The following HS1BP3 variants were observed in gnomAD, a reference collection of about 807,000 sequenced individuals.
HS1BP3 encodes HCLS1-binding protein 3.
A neutral mutation model predicts 33.5 loss-of-function variants in HS1BP3; 32 were observed. That is an observed-to-expected ratio of 0.95 (90% CI 0.72 to 1.28). HS1BP3 has a LOEUF of 1.28. Ranked by LOEUF, HS1BP3 falls within the 50% of genes most tolerant of loss-of-function variation. The pLI, the probability that HS1BP3 is intolerant of heterozygous loss-of-function variation, is 0.00. For synonymous variants in HS1BP3, 187 were observed against 209.2 expected (o/e 0.89, Z 0.92); for missense variants, 486 against 502.3 (o/e 0.97, Z 0.31).
intron 4 of HS1BP3, among the ~76,000 whole-genome samples, chr2:20,630,538 G>A (rs1468463979): frequency 6.6e-6 from 1 of 152,198 alleles, no homozygotes; most frequent in Non-Finnish European, 1.5e-5. Context: ...CAAAGTCCTG[G>A]GATTATAGGC....
rs538033124 is a variant in HS1BP3 at position 20,611,436 on chromosome 2, T to G, written c.178+12460A>C. Among the ~76,000 whole-genome samples the G allele has an allele frequency of 2.4e-4, 36 of 152,226 alleles. No individual in the cohort carries two copies. Among genetic ancestry groups the G allele is most frequent in the Admixed American group, 4.6e-4 (7 of 15,294 alleles). Reference sequence around the variant, plus strand: ...TGGGCCGCTGGGACTGCCAGAAACCTCTCTCCACTTGACCACATCGTGCGC... The same window carrying G: ...TGGGCCGCTGGGACTGCCAGAAACCGCTCTCCACTTGACCACATCGTGCGC... On this transcript the variant is annotated intron_variant, in intron 2 of 3. Transcript: ENST00000415264. This position sits in a 1 kb window ranked among gnomAD's most constrained non-coding sequence, Gnocchi z 4.9.
intron 2 of HS1BP3, among the ~76,000 whole-genome samples, chr2:20,612,120 G>A (rs568268528): frequency 1.2e-4 from 19 of 152,244 alleles, no homozygotes; most frequent in Admixed American, 2.6e-4. Context: ...CTACCCTAAT[G>A]AGGCAGGTAA....
At chr2:20,587,350 T>C (rs1572308540) in intron 5 of HS1BP3, among the ~76,000 whole-genome samples, 1 of 152,138 alleles carries the variant, frequency 6.6e-6, no homozygotes, top group African/African-American at 2.4e-5. Flanking sequence ...CATAGCTACA[T>C]AGAAACATGA....
At chr2:20,590,210 G>A (rs539461206), downstream of HS1BP3, among the ~76,000 whole-genome samples, 192 of 152,288 alleles carry the variant, frequency 1.3e-3, 2 homozygotes, top group African/African-American at 4.6e-3. Flanking sequence ...GGCTCTGTGT[G>A]TGTTTTTTGG....
intron 5 of HS1BP3, among the ~76,000 whole-genome samples, chr2:20,576,013 C>G (rs181315849): frequency 6.6e-6 from 1 of 151,608 alleles, no homozygotes; most frequent in East Asian, 1.9e-4. Flanking sequence ...TTTTTTGAGA[C>G]AGGGTCTTGT....
At chr2:20,562,813 C>T (rs1334823969) in intron 5 of HS1BP3, among the ~76,000 whole-genome samples, 2 of 152,172 alleles carry the variant, frequency 1.3e-5, no homozygotes, top group East Asian at 1.9e-4. Context: ...GAAAACAACT[C>T]GCACACGTCT....
rs372443182 is a variant in HS1BP3 at position 20,619,124 on chromosome 2, G to C, written c.1042C>G (p.Pro348Ala). 46 of 1,614,082 alleles carry C rather than the reference G, an allele frequency of 2.8e-5. No homozygotes were observed. Among genetic ancestry groups the C allele is most frequent in the Non-Finnish European group, 2.5e-6 (3 of 1,180,030 alleles). ...PVIPRKPAVP[P>A]KAGPAEAVAG... ...ACAGCTTCAGCCGGGCCCGCTTTGGGGGGAACAGCTGGTTTTCTGGGTATC... is the reference window on the plus strand; with the variant it reads ...ACAGCTTCAGCCGGGCCCGCTTTGGCGGGAACAGCTGGTTTTCTGGGTATC... The change falls in exon 7 of 7, where the codon CCC becomes GCC. Residue 348 changes from proline to alanine, a missense_variant. Pro to Ala is a conservative substitution (Grantham distance 27). Transcript: ENST00000304031.
chr2:20,643,710 C>T (rs2149303254), intron 2 of HS1BP3, among the ~76,000 whole-genome samples: 1 of 152,214 alleles, frequency 6.6e-6, no homozygotes, highest in East Asian at 1.9e-4. Flanking sequence ...TTGCTTAAGC[C>T]CAGCTTGAGG....
At chr2:20,580,134 A>C (rs527956246) in intron 5 of HS1BP3, among the ~76,000 whole-genome samples, 2 of 152,380 alleles carry the variant, frequency 1.3e-5, no homozygotes, top group East Asian at 3.9e-4. Context: ...CACACAGCCT[A>C]GTGGCTAAGC....
chr2:20,587,105 C>G (rs867653192), intron 5 of HS1BP3, among the ~76,000 whole-genome samples: 3 of 152,090 alleles, frequency 2.0e-5, no homozygotes, highest in Non-Finnish European at 4.4e-5. Context: ...GACCAAAAAA[C>G]TGTGTACAAA....
At position 20,577,858 on chromosome 2, in the gene HS1BP3, A is replaced by G. The variant is rs371773389; in HGVS notation, c.303-17343T>C. The stretch of plus-strand genomic sequence containing the variant: ...GATTGGGCTTCCAGGGTTCTGTTAT[A>G]CTGATCAGATCAATGATTCATATGC... On this transcript the variant is annotated intron_variant, in intron 5 of 5. Transcript: ENST00000446825. Among the ~76,000 whole-genome samples the G allele has an allele frequency of 1.1e-4, 16 of 152,264 alleles. No individual in the cohort carries two copies. The South Asian group carries it at 3.3e-3, about 32-fold the overall frequency.
chr2:20,578,724 A>G (rs1693459977), intron 5 of HS1BP3, among the ~76,000 whole-genome samples: 1 of 152,204 alleles, frequency 6.6e-6, no homozygotes, highest in Non-Finnish European at 1.5e-5. Flanking sequence ...CATGCTCATG[A>G]CAGCCCTGGG....
intron 2 of HS1BP3, chr2:20,606,404 G>T: frequency 2.1e-6 from 1 of 475,078 alleles, no homozygotes; most frequent in South Asian, 1.7e-5. Context: ...GGCTGCCCTG[G>T]CCAGGGAGAC....
chr2:20,568,208 G>A (rs1365719526), intron 5 of HS1BP3, among the ~76,000 whole-genome samples: 1 of 152,200 alleles, frequency 6.6e-6, no homozygotes, highest in Non-Finnish European at 1.5e-5. Context: ...GAAAGGTGGT[G>A]CTGGGGGGTG....
intron 4 of HS1BP3, chr2:20,637,539 C>T (rs2149299850): frequency 6.6e-6 from 1 of 152,426 alleles, no homozygotes; most frequent in South Asian, 2.1e-4. Flanking sequence ...GCCGCGTACC[C>T]TTTCCCAGTG....
chr2:20,617,625 C>T (rs1694458855), downstream of HS1BP3, among the ~76,000 whole-genome samples: 1 of 139,204 alleles, frequency 7.2e-6, no homozygotes, highest in Non-Finnish European at 1.7e-5. Context: ...GGGGCTCCCT[C>T]AGGGCTGGCT....
intron 2 of HS1BP3, among the ~76,000 whole-genome samples, chr2:20,608,239 T>G (rs13015948): frequency 0.53 from 80,845 of 151,584 alleles, 24,745 homozygotes; most frequent in East Asian, 0.73. Context: ...TTTTCTTGCC[T>G]AGTTTCTCTG....
intron 5 of HS1BP3, among the ~76,000 whole-genome samples, chr2:20,561,895 T>C (rs1041402695): frequency 2.6e-5 from 4 of 152,142 alleles, no homozygotes; most frequent in African/African-American, 9.6e-5. Flanking sequence ...GATTAGAAGG[T>C]TGGGACTTCT....
intron 3 of HS1BP3, among the ~76,000 whole-genome samples, chr2:20,597,636 G>A (rs1693973018): frequency 1.3e-5 from 2 of 151,730 alleles, no homozygotes; most frequent in African/African-American, 2.4e-5. Flanking sequence ...GCATGTCAAC[G>A]CTCTGGGGAA....
Sources: allele counts gnomAD v4.1 joint callset (sites outside exome capture counted in the v4.1 genomes callset), GRCh38; gene constraint gnomAD v4.1.1; non-coding constraint Gnocchi (gnomAD v3.1); transcripts MANE v1.5; gene names NCBI Gene and HGNC (gene_info 2026-07-23, HGNC 2026-07-21).